Variants in SV2C observed in about 807,000 individuals in gnomAD.
SV2C encodes solute carrier family 22 member B3.
In SV2C, 49 loss-of-function variants were observed where a neutral mutation model predicts 79.7. That is an observed-to-expected ratio of 0.61 (90% CI 0.49 to 0.78). SV2C has a LOEUF of 0.78. Among genes scored for constraint, SV2C ranks in the 30% least tolerant of loss-of-function variants. SV2C has a pLI of 0.00. For missense variants in SV2C, 833 were observed against 912.9 expected (o/e 0.91, Z 1.13); for synonymous variants, 334 against 333.2 (o/e 1.00, Z -0.03).
At chr5:76,204,520 T>C (rs1482492781) in intron 3 of SV2C, among the ~76,000 whole-genome samples, 8 of 152,182 alleles carry the variant, frequency 5.3e-5, no homozygotes, top group African/African-American at 1.4e-4. Flanking sequence ...AAATGGAAGA[T>C]TGAGGTAAAG....
chr5:76,172,045 C>A (rs1413003066), intron 2 of SV2C, among the ~76,000 whole-genome samples: 2 of 100,622 alleles, frequency 2.0e-5, no homozygotes, highest in Admixed American at 1.9e-4. Flanking sequence ...GGCGCCTCTG[C>A]CCAGCCGCCC....
At chr5:75,855,686 G>A in the SV2C span, among the ~76,000 whole-genome samples, 3 of 152,100 alleles carry the variant, frequency 2.0e-5, no homozygotes, top group South Asian at 2.1e-4. Context: ...CATAGTAGGT[G>A]TATGTATTTA....
At chr5:76,157,793 A>C (rs1022763334) in intron 2 of SV2C, among the ~76,000 whole-genome samples, 1 of 151,788 alleles carries the variant, frequency 6.6e-6, no homozygotes, top group Non-Finnish European at 1.5e-5. Context: ...TCCTTTCTTC[A>C]CTTAACTTCC....
chr5:76,018,479 G>A, the SV2C span, among the ~76,000 whole-genome samples: 1 of 152,080 alleles, frequency 6.6e-6, no homozygotes. Flanking sequence ...AGAAACATCA[G>A]CATATTTTTG....
At chr5:75,957,383 A>G in the SV2C span, among the ~76,000 whole-genome samples, 18 of 152,028 alleles carry the variant, frequency 1.2e-4, no homozygotes, top group African/African-American at 9.7e-5. Context: ...AACCTTACCA[A>G]TTGCTTCAAT....
At chr5:76,085,134 G>A (rs190978366) in intron 1 of SV2C, among the ~76,000 whole-genome samples, 60 of 152,274 alleles carry the variant, frequency 3.9e-4, no homozygotes, top group African/African-American at 1.4e-3. Flanking sequence ...AATCTCTCAG[G>A]CGTTCACTCA....
downstream of SV2C, among the ~76,000 whole-genome samples, chr5:76,335,489 T>C (rs1235826109): frequency 7.0e-6 from 1 of 143,124 alleles, no homozygotes; most frequent in African/African-American, 2.7e-5. Flanking sequence ...GGCAGGGTCA[T>C]AGGACAATAG....
At chr5:76,204,833 C>T (rs1056361591) in intron 3 of SV2C, among the ~76,000 whole-genome samples, 2 of 152,184 alleles carry the variant, frequency 1.3e-5, no homozygotes, top group Non-Finnish European at 2.9e-5. Context: ...CACTGGGTTG[C>T]CAGCTGAACT....
intron 4 of SV2C, among the ~76,000 whole-genome samples, chr5:76,235,054 C>T (rs536983801): frequency 5.9e-5 from 9 of 152,130 alleles, no homozygotes; most frequent in African/African-American, 1.9e-4. Context: ...TAACATTCCA[C>T]TTTTCCTATC....
At chr5:75,978,825 T>A in the SV2C span, among the ~76,000 whole-genome samples, 1 of 152,046 alleles carries the variant, frequency 6.6e-6, no homozygotes, top group African/African-American at 2.4e-5. Flanking sequence ...CTGGGTGCAG[T>A]GGCTCATACC....
chr5:76,038,013 C>G, the SV2C span, among the ~76,000 whole-genome samples: 1 of 152,174 alleles, frequency 6.6e-6, no homozygotes, highest in African/African-American at 2.4e-5. Flanking sequence ...TTCCAGGTGC[C>G]GTCTGTCACC....
chr5:76,129,491 T>C (rs1748812566), intron 1 of SV2C, among the ~76,000 whole-genome samples: 1 of 152,232 alleles, frequency 6.6e-6, no homozygotes, highest in African/African-American at 2.4e-5. Context: ...AATTGTAAAA[T>C]TCTTGTTTTA....
At chr5:75,997,623 A>T in the SV2C span, among the ~76,000 whole-genome samples, 1 of 152,232 alleles carries the variant, frequency 6.6e-6, no homozygotes, top group African/African-American at 2.4e-5. Context: ...GAGAAATGCA[A>T]ATAAAAACCA....
At chr5:75,904,606 A>G in the SV2C span, among the ~76,000 whole-genome samples, 1 of 152,268 alleles carries the variant, frequency 6.6e-6, no homozygotes, top group South Asian at 2.1e-4. Context: ...ATCCCAACAA[A>G]TGATTCATCT....
the SV2C span, among the ~76,000 whole-genome samples, chr5:76,030,266 G>GGTTTTTT: frequency 4.1e-4 from 13 of 31,980 alleles, no homozygotes; most frequent in African/African-American, 1.6e-3. Context: ...TCAGAGGCTT[G>GGTTTTTT]TTTTTTTTTT....
chr5:76,036,879 C>T, the SV2C span, among the ~76,000 whole-genome samples: 3 of 152,226 alleles, frequency 2.0e-5, no homozygotes, highest in Admixed American at 6.5e-5. Context: ...CTTTCAGGTA[C>T]ACCAATCAGA....
chr5:75,988,412 A>T, the SV2C span, among the ~76,000 whole-genome samples: 5 of 152,022 alleles, frequency 3.3e-5, no homozygotes, highest in African/African-American at 1.2e-4. Context: ...ACTATTTATC[A>T]TAGTATTTTC....
At chr5:76,033,855 C>T in the SV2C span, among the ~76,000 whole-genome samples, 7 of 151,596 alleles carry the variant, frequency 4.6e-5, no homozygotes, top group East Asian at 3.9e-4. Flanking sequence ...GCCATTTTCA[C>T]GATATTGATT....
chr5:76,034,215 C>T, the SV2C span, among the ~76,000 whole-genome samples: 1 of 151,726 alleles, frequency 6.6e-6, no homozygotes, highest in East Asian at 1.9e-4. Context: ...TTGACTTCCT[C>T]TTTTCCTAAT....
Sources: allele counts gnomAD v4.1 joint callset (sites outside exome capture counted in the v4.1 genomes callset), GRCh38; gene constraint gnomAD v4.1.1; transcripts MANE v1.5; gene names NCBI Gene and HGNC (gene_info 2026-07-23, HGNC 2026-07-21).